TMX2: variants seen among roughly 807,000 people sequenced by gnomAD.
TMX2 encodes the protein thioredoxin related transmembrane protein 2, also known as thioredoxin-related transmembrane protein 2.
A neutral mutation model predicts 33.4 loss-of-function variants in TMX2; 20 were observed. The observed-to-expected ratio is 0.60, with a 90% CI of 0.42 to 0.87. TMX2 has a LOEUF of 0.87. Among genes scored for constraint, TMX2 ranks in the 40% least tolerant of loss-of-function variants. TMX2 has a pLI of 0.00. For missense variants in TMX2, 340 were observed against 370.7 expected (o/e 0.92, Z 0.68); for synonymous variants, 166 against 140.7 (o/e 1.18, Z -1.27).
intron 1 of TMX2, among the ~76,000 whole-genome samples, chr11:57,722,676 T>C (rs1947712919): frequency 6.6e-6 from 1 of 152,228 alleles, no homozygotes; most frequent in African/African-American, 2.4e-5. Flanking sequence ...TCAGATGCCT[T>C]TTAATTTACA....
At chr11:57,730,941 T>C (rs1490346295) in intron 1 of TMX2, among the ~76,000 whole-genome samples, 3 of 151,810 alleles carry the variant, frequency 2.0e-5, no homozygotes. Flanking sequence ...AAATCATATC[T>C]TTCTAGAGAT....
In TMX2 at chr11:57,740,535, A is replaced by C. The variant is rs1007145136; in HGVS notation, c.*290A>C. On this transcript the variant is annotated 3_prime_UTR_variant, in exon 8 of 8. Transcript: ENST00000278422. The stretch of plus-strand genomic sequence containing the variant: ...TCAGTGTGTTAACTGCTTATCAGCT[A>C]TTCAGACATCTCCATGGTTTCTCCA... 6 of 286,936 alleles carry C rather than the reference A, an allele frequency of 2.1e-5. No homozygotes were observed. Among genetic ancestry groups the C allele is most frequent in the African/African-American group, 6.7e-5 (3 of 45,102 alleles). 17.8% of individuals were successfully genotyped at this position (286,936 alleles called of 1,614,324 possible).
At chr11:57,722,126 G>T (rs1260218044) in intron 1 of TMX2, among the ~76,000 whole-genome samples, 1 of 152,126 alleles carries the variant, frequency 6.6e-6, no homozygotes, top group Non-Finnish European at 1.5e-5. Context: ...CTGTCAAGCA[G>T]ATGGGAGTAC....
chr11:57,719,145 C>T (rs779178490), intron 1 of TMX2, among the ~76,000 whole-genome samples: 36 of 148,564 alleles, frequency 2.4e-4, no homozygotes. Context: ...AAGCGATTCT[C>T]CTGCCTCAGC....
intron 7 of TMX2, among the ~76,000 whole-genome samples, chr11:57,739,501 T>C (rs763297020): frequency 6.6e-5 from 10 of 152,210 alleles, no homozygotes; most frequent in Non-Finnish European, 1.0e-4. Context: ...CTCACGCCTG[T>C]AATCCCAGCA....
intron 1 of TMX2, among the ~76,000 whole-genome samples, chr11:57,732,084 A>G (rs1239152482): frequency 2.6e-5 from 4 of 152,214 alleles, no homozygotes; most frequent in Admixed American, 6.5e-5. Context: ...AAGGAGACCA[A>G]AAGTGGTTTT....
At chr11:57,732,719 A>T (rs1390473780) in intron 1 of TMX2, among the ~76,000 whole-genome samples, 3 of 152,188 alleles carry the variant, frequency 2.0e-5, no homozygotes. Context: ...AGCTAAACAC[A>T]GGAAGGTTCC....
chr11:57,723,805 AAATAATAATAAT>A (rs71061533), intron 1 of TMX2, among the ~76,000 whole-genome samples: 5 of 142,342 alleles, frequency 3.5e-5, no homozygotes, highest in African/African-American at 5.2e-5. Flanking sequence ...TCTGTCTCAA[AAATAATAATAAT>A]AATAATAATA....
chr11:57,718,387 C>T, intron 1 of TMX2: 4 of 1,450,294 alleles, frequency 2.8e-6, no homozygotes, highest in Non-Finnish European at 3.9e-6. Context: ...AGCAGGAACT[C>T]TTACAACCAA....
chr11:57,737,782 C>T, intron 2 of TMX2, 114 bp downstream of exon 2: 1 of 1,587,740 alleles, frequency 6.3e-7, no homozygotes, highest in Non-Finnish European at 8.6e-7. Context: ...CGTTTAATTC[C>T]AAGGCTGAAT....
chr11:57,736,009 C>CT (rs1266886239), intron 1 of TMX2, among the ~76,000 whole-genome samples: 1 of 152,194 alleles, frequency 6.6e-6, no homozygotes, highest in Non-Finnish European at 1.5e-5. Flanking sequence ...TTCTGTTTAA[C>CT]TTTCTGTTTA....
chr11:57,727,861 T>TCCTTTATCA (rs1948104795), intron 1 of TMX2, among the ~76,000 whole-genome samples: 1 of 152,242 alleles, frequency 6.6e-6, no homozygotes, highest in African/African-American at 2.4e-5. Flanking sequence ...GCCTCCTCAA[T>TCCTTTATCA]CCTTTATCAT....
intron 1 of TMX2, among the ~76,000 whole-genome samples, chr11:57,719,143 C>T (rs1947395324): frequency 1.4e-5 from 2 of 146,960 alleles, no homozygotes; most frequent in Admixed American, 1.4e-4. Flanking sequence ...TCAAGCGATT[C>T]TCCTGCCTCA....
chr11:57,725,120 G>A (rs577071298), intron 1 of TMX2, among the ~76,000 whole-genome samples: 1 of 151,812 alleles, frequency 6.6e-6, no homozygotes, highest in African/African-American at 2.4e-5. Context: ...TTCTAGTACT[G>A]TAAAACTGAA....
intron 1 of TMX2, among the ~76,000 whole-genome samples, chr11:57,724,810 C>T (rs1258026967): frequency 1.3e-5 from 2 of 152,056 alleles, no homozygotes; most frequent in African/African-American, 2.4e-5. Flanking sequence ...GAGGCTGAGG[C>T]GGGTGGATCA....
At position 57,739,001 on chromosome 11, in the gene TMX2, G is replaced by A; in HGVS notation, c.576G>A (p.Gly192=). ...ACAACTGTACAGGGCTAAATTTTGG[G>A]AAGGTGGATGTTGGACGCTATACTG... ...LKYNCTGLNF[G]KVDVGRYTDV... is the part of the protein sequence containing the mutation. The change falls in exon 6 of 8, where the codon GGG becomes GGA. Residue 192 remains glycine, a synonymous_variant. Transcript: ENST00000278422. 1.2e-6 allele frequency: 2 copies of A among 1,614,062 alleles called. No homozygotes were observed. Among genetic ancestry groups the A allele is most frequent in the Non-Finnish European group, 1.7e-6 (2 of 1,180,026 alleles).
chr11:57,724,198 A>C (rs893250025), intron 1 of TMX2, among the ~76,000 whole-genome samples: 2 of 152,196 alleles, frequency 1.3e-5, no homozygotes, highest in Non-Finnish European at 2.9e-5. Flanking sequence ...ACAGTCACTG[A>C]GTATATATGA....
chr11:57,735,412 T>C (rs929090189), intron 1 of TMX2, among the ~76,000 whole-genome samples: 3 of 152,076 alleles, frequency 2.0e-5, no homozygotes, highest in Non-Finnish European at 4.4e-5. Flanking sequence ...GGTTTTGCCA[T>C]GTTGACCAGG....
chr11:57,717,725 G>A (rs780501529), intron 1 of TMX2, among the ~76,000 whole-genome samples: 3,144 of 14,032 alleles, frequency 0.22, 179 homozygotes, highest in East Asian at 0.36. Flanking sequence ...GAGAGGGAGA[G>A]GGGAGAGGGG....
Sources: gnomAD v4.1 joint callset for allele counts (sites outside exome capture counted in the v4.1 genomes callset) on GRCh38, gnomAD v4.1.1 for gene constraint, MANE v1.5 for transcripts, NCBI Gene and HGNC (gene_info 2026-07-23, HGNC 2026-07-21) for gene names.